The following SLC4A4 variants were observed in gnomAD, a reference collection of about 807,000 sequenced individuals.
The protein encoded by SLC4A4 is electrogenic sodium bicarbonate cotransporter 1.
Under a neutral mutation model 111.5 loss-of-function variants are expected in SLC4A4, and 27 were observed. The ratio of observed to expected loss-of-function variants is 0.24; its 90% CI spans 0.18 to 0.33. SLC4A4 has a LOEUF of 0.33. Among genes scored for constraint, SLC4A4 ranks in the 10% least tolerant of loss-of-function variants. SLC4A4 has a pLI of 1.00. For synonymous variants in SLC4A4, 443 were observed against 463.4 expected, an observed-to-expected ratio of 0.96 and a Z score of 0.57; for missense variants, 909 against 1,315.5, an observed-to-expected ratio of 0.69 and a Z score of 4.78.
chr4:71,505,884 G>A (rs1249435729), intron 16 of SLC4A4, among the ~76,000 whole-genome samples: 3 of 152,028 alleles, frequency 2.0e-5, no homozygotes, highest in African/African-American at 7.2e-5. Context: ...ATAAGGAAGA[G>A]GACAAGTTTC....
chr4:71,475,297 A>C (rs916196317), intron 14 of SLC4A4, among the ~76,000 whole-genome samples: 4 of 151,826 alleles, frequency 2.6e-5, no homozygotes, highest in African/African-American at 4.8e-5. Context: ...GTTGTTTTAT[A>C]ATTTGGATGT....
At chr4:71,377,398 T>A (rs140457820) in intron 6 of SLC4A4, among the ~76,000 whole-genome samples, 32 of 152,356 alleles carry the variant, frequency 2.1e-4, no homozygotes, top group Admixed American at 5.2e-4. Context: ...ACTATGTGTT[T>A]GTGACTGTGA....
At chr4:71,233,068 C>T (rs577072631) in intron 1 of SLC4A4, among the ~76,000 whole-genome samples, 1 of 152,334 alleles carries the variant, frequency 6.6e-6, no homozygotes, top group East Asian at 1.9e-4. Context: ...TCTATGTCTA[C>T]AAATGTGTAA....
intron 6 of SLC4A4, among the ~76,000 whole-genome samples, chr4:71,366,824 T>C (rs1731380372): frequency 6.6e-6 from 1 of 152,216 alleles, no homozygotes; most frequent in African/African-American, 2.4e-5. Flanking sequence ...ATGAAAGGGT[T>C]ACAGAGTTTA....
chr4:71,360,389 A>T (rs1730671842), intron 6 of SLC4A4, among the ~76,000 whole-genome samples: 1 of 152,210 alleles, frequency 6.6e-6, no homozygotes, highest in South Asian at 2.1e-4. Flanking sequence ...GTGATGGAGA[A>T]AATGCTAATA....
At chr4:71,272,916 T>C (rs1315473765) in intron 3 of SLC4A4, among the ~76,000 whole-genome samples, 1 of 152,212 alleles carries the variant, frequency 6.6e-6, no homozygotes, top group Non-Finnish European at 1.5e-5. Flanking sequence ...ATAATAATTT[T>C]AGTTTAGAAT....
chr4:71,349,872 G>T (rs1031926577), intron 4 of SLC4A4, 40 bp from the exon 5 acceptor site: 7 of 1,608,380 alleles, frequency 4.4e-6, no homozygotes, highest in Non-Finnish European at 6.0e-6. Context: ...GAGGAAGTTA[G>T]AACACTTTTA....
At position 71,471,516 on chromosome 4, in the gene SLC4A4, A is replaced by G. The variant is rs189681849; in HGVS notation, c.1632-1183A>G. ...ACTGCCTATGGGAAAGTTTTAAGAT[A>G]TATCATTAGCAGTTATCAGAAACTC... On this transcript the variant is annotated intron_variant, in intron 13 of 25. Transcript: ENST00000264485. 4.4e-3 allele frequency among the ~76,000 whole-genome samples: 671 copies of G among 151,976 alleles called. 7 individuals carry two copies. In the South Asian group the frequency reaches 0.051, roughly 12 times the overall value.
intron 3 of SLC4A4, among the ~76,000 whole-genome samples, chr4:71,336,411 T>C (rs1413569480): frequency 6.6e-6 from 1 of 152,214 alleles, no homozygotes; most frequent in Non-Finnish European, 1.5e-5. Flanking sequence ...TTGTTAGCTA[T>C]AAAGGTATAG....
At chr4:71,532,890 A>G (rs1266366794) in intron 17 of SLC4A4, among the ~76,000 whole-genome samples, 1 of 152,170 alleles carries the variant, frequency 6.6e-6, no homozygotes, top group Non-Finnish European at 1.5e-5. Context: ...GCATGTATAT[A>G]TAATGTGAAT....
chr4:71,548,202 T>C (rs935252756), intron 20 of SLC4A4, among the ~76,000 whole-genome samples: 1 of 151,952 alleles, frequency 6.6e-6, no homozygotes, highest in Non-Finnish European at 1.5e-5. Flanking sequence ...ATTATTACTT[T>C]GTTTCTATTT....
At chr4:71,504,735 T>A (rs983620526) in intron 16 of SLC4A4, among the ~76,000 whole-genome samples, 1 of 152,096 alleles carries the variant, frequency 6.6e-6, no homozygotes, top group South Asian at 2.1e-4. Context: ...CAACCTCTAT[T>A]CTAATTCAGG....
At chr4:71,226,098 T>C (rs1275072306) in intron 1 of SLC4A4, among the ~76,000 whole-genome samples, 4 of 152,198 alleles carry the variant, frequency 2.6e-5, no homozygotes, top group South Asian at 2.1e-4. Flanking sequence ...ATGAGCAAAA[T>C]TGAACTTTCT....
At chr4:71,260,678 T>A (rs1372870756) in intron 3 of SLC4A4, among the ~76,000 whole-genome samples, 1 of 152,204 alleles carries the variant, frequency 6.6e-6, no homozygotes, top group Non-Finnish European at 1.5e-5. Flanking sequence ...GTAATTTTGC[T>A]GGAAAGGGAG....
chr4:71,303,281 A>C (rs142578104), intron 3 of SLC4A4, among the ~76,000 whole-genome samples: 1 of 152,356 alleles, frequency 6.6e-6, no homozygotes, highest in African/African-American at 2.4e-5. Flanking sequence ...AGTAAAGAAA[A>C]GCAGATTGGT....
At chr4:71,290,030 G>A (rs1724213355) in intron 3 of SLC4A4, among the ~76,000 whole-genome samples, 1 of 152,164 alleles carries the variant, frequency 6.6e-6, no homozygotes, top group South Asian at 2.1e-4. Context: ...TTGTAACCTA[G>A]ATTTAAAGTA....
At chr4:71,447,802 T>A in intron 9 of SLC4A4, 69 bp downstream of exon 9, 2 of 975,204 alleles carry the variant, frequency 2.1e-6, no homozygotes, top group Non-Finnish European at 3.3e-6. Flanking sequence ...GAATTGGCTG[T>A]CACAATTTAT....
chr4:71,328,320 G>A (rs1727664370), intron 3 of SLC4A4, among the ~76,000 whole-genome samples: 2 of 152,118 alleles, frequency 1.3e-5, no homozygotes, highest in Non-Finnish European at 2.9e-5. Context: ...TTGATATACT[G>A]ATTTCCTTTC....
At chr4:71,381,563 G>T (rs576500181) in intron 6 of SLC4A4, among the ~76,000 whole-genome samples, 3 of 152,166 alleles carry the variant, frequency 2.0e-5, no homozygotes, top group African/African-American at 7.2e-5. Context: ...CAGTTATAGG[G>T]GTAGAGTTTT....
Sources: allele counts gnomAD v4.1 joint callset (sites outside exome capture counted in the v4.1 genomes callset), GRCh38; gene constraint gnomAD v4.1.1; transcripts MANE v1.5; gene names NCBI Gene and HGNC (gene_info 2026-07-23, HGNC 2026-07-21).